PKN2: variants seen among roughly 807,000 people sequenced by gnomAD.
The protein encoded by PKN2 is serine/threonine-protein kinase N2.
In PKN2, 38 loss-of-function variants were observed where a neutral mutation model predicts 119.1. The observed-to-expected ratio is 0.32, with a 90% CI of 0.25 to 0.42. The LOEUF (loss-of-function observed/expected upper bound fraction) is 0.42. Ranked by LOEUF, PKN2 falls within the 10% of genes least tolerant of loss-of-function variation. The pLI is 1.00. For missense variants in PKN2, 850 were observed against 1,165.1 expected (o/e 0.73, Z 3.94); for synonymous variants, 390 against 384.9 (o/e 1.01, Z -0.15).
At chr1:88,729,220 G>A (rs1307781572) in intron 1 of PKN2, among the ~76,000 whole-genome samples, 1 of 152,138 alleles carries the variant, frequency 6.6e-6, no homozygotes, top group East Asian at 1.9e-4. Context: ...AAATTAAATT[G>A]TTACAGTTGT....
At chr1:88,795,149 C>T (rs917209972) in intron 8 of PKN2, among the ~76,000 whole-genome samples, 1 of 152,130 alleles carries the variant, frequency 6.6e-6, no homozygotes, top group Non-Finnish European at 1.5e-5. Context: ...GATTTAAGAC[C>T]ATCAGACCTC....
chr1:88,718,670 A>T (rs922301281), intron 1 of PKN2, among the ~76,000 whole-genome samples: 1 of 152,216 alleles, frequency 6.6e-6, no homozygotes, highest in Non-Finnish European at 1.5e-5. Flanking sequence ...ACAATTTTAA[A>T]AGATTGAGAG....
At chr1:88,690,815 C>T (rs1269342599) in intron 1 of PKN2, among the ~76,000 whole-genome samples, 2 of 151,932 alleles carry the variant, frequency 1.3e-5, no homozygotes, top group Admixed American at 6.6e-5. Context: ...ACAGTAAACA[C>T]CTTAAATGTG....
Position 88,709,792 on chromosome 1 carries a change from T to C in PKN2, c.48+25164T>C, listed in dbSNP as rs76834762. On this transcript the variant is annotated intron_variant, in intron 1 of 21. Transcript: ENST00000370521. ...GAACCTTAAAAAAAATTATGCTGGG[T>C]CTCCAGTTGAACAGTGCCACTTCTC... is the stretch of plus-strand genomic sequence containing the variant. Among the ~76,000 whole-genome samples the C allele has an allele frequency of 7.6e-3, 1,155 of 152,302 alleles. 11 individuals carry two copies. The highest frequency in any genetic ancestry group is 0.024 in the African/African-American group (1,004 of 41,552).
At chr1:88,752,010 G>A (rs1028577665) in intron 2 of PKN2, among the ~76,000 whole-genome samples, 22 of 152,046 alleles carry the variant, frequency 1.4e-4, no homozygotes, top group African/African-American at 5.3e-4. Flanking sequence ...GTATAATGGC[G>A]TAGATTTCGT....
chr1:88,794,428 G>A (rs1670978389), intron 8 of PKN2, among the ~76,000 whole-genome samples: 1 of 151,284 alleles, frequency 6.6e-6, no homozygotes. Flanking sequence ...TGTCCTGAAT[G>A]ATAAACTACA....
chr1:88,704,933 A>G (rs888386295), intron 1 of PKN2, among the ~76,000 whole-genome samples: 1 of 152,164 alleles, frequency 6.6e-6, no homozygotes, highest in African/African-American at 2.4e-5. Flanking sequence ...ATGATGTTGA[A>G]CCATCTTTTC....
At chr1:88,775,914 G>A (rs1670076035) in intron 6 of PKN2, among the ~76,000 whole-genome samples, 1 of 152,012 alleles carries the variant, frequency 6.6e-6, no homozygotes, top group Non-Finnish European at 1.5e-5. Flanking sequence ...GACCATCCTG[G>A]CTAACATGGT....
chr1:88,703,855 C>A (rs1666867265), intron 1 of PKN2, among the ~76,000 whole-genome samples: 1 of 151,940 alleles, frequency 6.6e-6, no homozygotes, highest in Admixed American at 6.6e-5. Context: ...GATTCTAGAA[C>A]CAAGATATCC....
At chr1:88,772,188 CTG>C (rs760642513) in intron 6 of PKN2, among the ~76,000 whole-genome samples, 2 of 152,170 alleles carry the variant, frequency 1.3e-5, no homozygotes, top group African/African-American at 2.4e-5. Context: ...TACTAATTGT[CTG>C]TCTCTACAGA....
At chr1:88,747,276 G>A (rs1014042402) in intron 2 of PKN2, among the ~76,000 whole-genome samples, 10 of 152,098 alleles carry the variant, frequency 6.6e-5, no homozygotes, top group African/African-American at 2.4e-4. Context: ...ATCCCACTGC[G>A]AAGAAATAAA....
chr1:88,701,105 A>G (rs764085976), intron 1 of PKN2, among the ~76,000 whole-genome samples: 1 of 152,214 alleles, frequency 6.6e-6, no homozygotes, highest in African/African-American at 2.4e-5. Flanking sequence ...TATTATTAAA[A>G]ACAAATGATA....
intron 1 of PKN2, among the ~76,000 whole-genome samples, chr1:88,720,260 A>G (rs942925295): frequency 7.2e-5 from 11 of 152,074 alleles, no homozygotes; most frequent in Non-Finnish European, 1.0e-4. Flanking sequence ...GGCTCAAGCA[A>G]TCCTCCTGCC....
intron 1 of PKN2, among the ~76,000 whole-genome samples, chr1:88,724,882 G>GTTTTTTTTTTTTTTTTTTTTTTT (rs60507382): frequency 1.9e-5 from 2 of 106,012 alleles, no homozygotes; most frequent in African/African-American, 8.5e-5. Flanking sequence ...CCACCCCTTG[G>GTTTTTTTTTTTTTTTTTTTTTTT]TTTTTTTTTT....
chr1:88,720,271 T>G (rs898487228), intron 1 of PKN2, among the ~76,000 whole-genome samples: 2 of 152,142 alleles, frequency 1.3e-5, no homozygotes, highest in African/African-American at 4.8e-5. Flanking sequence ...TCCTCCTGCC[T>G]TGCCTCCCAA....
intron 16 of PKN2, among the ~76,000 whole-genome samples, chr1:88,820,143 TTAAAAG>T (rs1672186339): frequency 8.0e-6 from 1 of 125,448 alleles, no homozygotes; most frequent in Non-Finnish European, 1.6e-5. Context: ...AAAGTATAAT[TTAAAAG>T]TAAATAAATC....
intron 1 of PKN2, among the ~76,000 whole-genome samples, chr1:88,734,889 T>G (rs1200431902): frequency 6.6e-6 from 1 of 152,202 alleles, no homozygotes; most frequent in African/African-American, 2.4e-5. Flanking sequence ...AACTCTACTT[T>G]TAACTCCATT....
At chr1:88,750,216 G>A (rs1668933126) in intron 2 of PKN2, among the ~76,000 whole-genome samples, 1 of 152,158 alleles carries the variant, frequency 6.6e-6, no homozygotes, top group Admixed American at 6.5e-5. Context: ...AATAAAGTCT[G>A]AGGAGGCTTT....
At chr1:88,809,198 C>T (rs1029005537) in intron 15 of PKN2, among the ~76,000 whole-genome samples, 1 of 152,034 alleles carries the variant, frequency 6.6e-6, no homozygotes, top group Admixed American at 6.6e-5. Flanking sequence ...TAAATGCTTT[C>T]TTGATATCTA....
Sources: allele counts gnomAD v4.1 joint callset (sites outside exome capture counted in the v4.1 genomes callset), GRCh38; gene constraint gnomAD v4.1.1; transcripts MANE v1.5; gene names NCBI Gene and HGNC (gene_info 2026-07-23, HGNC 2026-07-21).